The following NOL10 variants were observed in gnomAD, a reference collection of about 807,000 sequenced individuals.
NOL10 encodes nucleolar protein 10, also known as H_NH0074G24.1.
NOL10 carries 58 observed loss-of-function variants against 103.5 expected under a neutral mutation model. The observed-to-expected ratio is 0.56, with a 90% CI of 0.45 to 0.70. The LOEUF (loss-of-function observed/expected upper bound fraction) is 0.70, where lower values mean the gene tolerates loss of function less well. Ranked by LOEUF, NOL10 falls within the 30% of genes least tolerant of loss-of-function variation. The pLI, the probability that NOL10 is intolerant of heterozygous loss-of-function variation, is 0.00. For synonymous variants in NOL10, 287 were observed against 282.5 expected (o/e 1.02, Z -0.16); for missense variants, 763 against 807.3 (o/e 0.95, Z 0.67).
chr2:10,619,723 A>G (rs908827623), intron 13 of NOL10, among the ~76,000 whole-genome samples: 1 of 152,176 alleles, frequency 6.6e-6, no homozygotes, highest in Admixed American at 6.6e-5. Context: ...AATCTTCTTC[A>G]AAGTCCACTG....
intron 19 of NOL10, among the ~76,000 whole-genome samples, chr2:10,586,008 C>T (rs1008559734): frequency 6.6e-6 from 1 of 151,808 alleles, no homozygotes; most frequent in Admixed American, 6.6e-5. Flanking sequence ...GGGAAAGAGG[C>T]CAGCCACAAA....
In NOL10 at chr2:10,600,912, G is replaced by A. The variant is rs1463787223; in HGVS notation, c.1363C>T (p.Leu455Phe). ...KLPKVNKELA[L>F]KLIEEEEEKQ... ...TCCTCTTCTTCCTCAATTAATTTAA[G>A]TGCCAGCTCTTTGTTAACTTTTGGC... The change falls in exon 17 of 21, where the codon CTT becomes TTT. Residue 455 changes from leucine (L) to phenylalanine (F), a missense_variant. Coordinates refer to ENST00000381685, the MANE Select transcript of NOL10 (RefSeq NM_024894.4). 3 of 1,556,096 alleles carry A rather than the reference G, an allele frequency of 1.9e-6. No individual in the cohort carries two copies. The highest frequency in any genetic ancestry group is 1.9e-5 in the Admixed American group (1 of 51,556).
intron 1 of NOL10, among the ~76,000 whole-genome samples, chr2:10,685,508 G>A (rs56032636): frequency 1.0e-3 from 4 of 3,924 alleles, no homozygotes; most frequent in Admixed American, 2.9e-3. Context: ...CCCCCCCCCC[G>A]CCAAAAAAAA....
At chr2:10,655,163 C>T (rs1400050801) in intron 11 of NOL10, among the ~76,000 whole-genome samples, 4 of 149,342 alleles carry the variant, frequency 2.7e-5, no homozygotes, top group African/African-American at 7.4e-5. Flanking sequence ...GCCAAGATAG[C>T]ACCACTGCAC....
At chr2:10,654,647 A>G in intron 11 of NOL10, 100 bp from the exon 12 acceptor site, 1 of 591,224 alleles carries the variant, frequency 1.7e-6, no homozygotes, top group Non-Finnish European at 3.0e-6. Flanking sequence ...TCCTATGTAA[A>G]GAAATAAAAT....
chr2:10,618,863 A>G (rs1383519386), intron 13 of NOL10, among the ~76,000 whole-genome samples: 3 of 152,216 alleles, frequency 2.0e-5, no homozygotes, highest in Non-Finnish European at 4.4e-5. Context: ...ACACTCTGCT[A>G]TTTCACCAAA....
At chr2:10,616,046 G>A (rs1676816568) in intron 13 of NOL10, among the ~76,000 whole-genome samples, 1 of 152,044 alleles carries the variant, frequency 6.6e-6, no homozygotes, top group African/African-American at 2.4e-5. Context: ...CTATGCTGCT[G>A]TGCGTCCACT....
intron 9 of NOL10, among the ~76,000 whole-genome samples, chr2:10,660,175 G>A (rs1237539261): frequency 6.6e-6 from 1 of 152,128 alleles, no homozygotes. Context: ...CCTAGAGCTT[G>A]AGCCTGTAAC....
intron 17 of NOL10, among the ~76,000 whole-genome samples, chr2:10,599,376 C>T (rs772157354): frequency 6.6e-6 from 1 of 152,152 alleles, no homozygotes; most frequent in African/African-American, 2.4e-5. Flanking sequence ...AAGTTACCTC[C>T]CTAATCATGC....
chr2:10,677,352 A>G (rs920661345), intron 3 of NOL10, among the ~76,000 whole-genome samples: 2 of 152,210 alleles, frequency 1.3e-5, no homozygotes, highest in African/African-American at 2.4e-5. Flanking sequence ...TATTTCCAAC[A>G]AAGACATCTT....
At chr2:10,618,131 C>T (rs989621590) in intron 13 of NOL10, among the ~76,000 whole-genome samples, 2 of 152,034 alleles carry the variant, frequency 1.3e-5, no homozygotes, top group African/African-American at 2.4e-5. Flanking sequence ...CTCACCTCAG[C>T]CTCCCGAATA....
At chr2:10,650,718 T>G (rs984870372) in intron 12 of NOL10, among the ~76,000 whole-genome samples, 4 of 152,102 alleles carry the variant, frequency 2.6e-5, no homozygotes, top group African/African-American at 7.2e-5. Context: ...ATTGTGCCAC[T>G]ACACTCTAGC....
At chr2:10,679,624 C>A (rs1013332945) in intron 3 of NOL10, among the ~76,000 whole-genome samples, 3 of 150,204 alleles carry the variant, frequency 2.0e-5, no homozygotes, top group African/African-American at 7.4e-5. Context: ...CTCTCTTTCT[C>A]TCTCTTTCTT....
intron 13 of NOL10, among the ~76,000 whole-genome samples, chr2:10,642,124 T>C (rs1390181025): frequency 2.0e-5 from 3 of 152,234 alleles, no homozygotes; most frequent in Admixed American, 6.5e-5. Flanking sequence ...CTCCTGACAA[T>C]GTTCCCCAAA....
At chr2:10,679,271 A>G in intron 3 of NOL10, among the ~76,000 whole-genome samples, 1 of 151,820 alleles carries the variant, frequency 6.6e-6, no homozygotes, top group East Asian at 1.9e-4. Flanking sequence ...TGGCAGGAGA[A>G]TCACTTGAAC....
At chr2:10,573,467 C>T (rs890909137) in intron 20 of NOL10, among the ~76,000 whole-genome samples, 4 of 152,142 alleles carry the variant, frequency 2.6e-5, no homozygotes, top group Non-Finnish European at 4.4e-5. Context: ...GCTGGGATTA[C>T]AGGCGTGCGC....
intron 4 of NOL10, among the ~76,000 whole-genome samples, chr2:10,675,483 A>G (rs1322979907): frequency 6.6e-6 from 1 of 152,100 alleles, no homozygotes; most frequent in East Asian, 1.9e-4. Flanking sequence ...TCTGAAAACA[A>G]GAAAAGCTGC....
At chr2:10,673,232 T>C (rs918869159) in intron 5 of NOL10, 5 of 252,890 alleles carry the variant, frequency 2.0e-5, no homozygotes, top group Admixed American at 1.6e-4. Flanking sequence ...CAGGATGATA[T>C]AAAAGATGAC....
intron 9 of NOL10, among the ~76,000 whole-genome samples, chr2:10,660,208 C>A (rs1034822382): frequency 6.6e-6 from 1 of 152,216 alleles, no homozygotes; most frequent in African/African-American, 2.4e-5. Context: ...CCTGTGGGAA[C>A]CTCGAAGCCT....
Sources: allele counts gnomAD v4.1 joint callset (sites outside exome capture counted in the v4.1 genomes callset), GRCh38; gene constraint gnomAD v4.1.1; transcripts MANE v1.5; gene names NCBI Gene and HGNC (gene_info 2026-07-23, HGNC 2026-07-21).